RASEF: variants seen among roughly 807,000 people sequenced by gnomAD.
RASEF encodes the protein ras and EF-hand domain-containing protein.
In RASEF, 68 loss-of-function variants were observed where a neutral mutation model predicts 90.1. That is an observed-to-expected ratio of 0.75 (90% CI 0.62 to 0.92). The LOEUF is 0.92. RASEF is among the 40% of genes least tolerant of loss of function. The pLI is 0.00. For synonymous variants in RASEF, 331 were observed against 345.2 expected, an observed-to-expected ratio of 0.96 and a Z score of 0.46; for missense variants, 949 against 937.2, an observed-to-expected ratio of 1.01 and a Z score of -0.16.
At chr9:83,140,880 TG>T in the RASEF span, among the ~76,000 whole-genome samples, 327 of 152,226 alleles carry the variant, frequency 2.1e-3, 4 homozygotes, top group Non-Finnish European at 3.0e-3. Context: ...TAGGGGCTCA[TG>T]GCTGTAGTCC....
Position 83,022,412 on chromosome 9 carries a change from G to A in RASEF, c.593C>T (p.Ala198Val). The A allele has an allele frequency of 1.2e-6, 2 of 1,613,634 alleles. No homozygotes were observed. The highest frequency in any genetic ancestry group is 1.7e-6 in the Non-Finnish European group (2 of 1,179,630). Residue 198 changes from alanine (A) to valine (V), a missense_variant, in exon 3 of 17, where the codon GCA (alanine) becomes GTA (valine). Around this residue, in one of 3 missense-constraint regions of RASEF, gnomAD observed 656 missense variants for 592.2 expected, o/e 1.11. Coordinates refer to ENST00000376447, the MANE Select transcript of RASEF (RefSeq NM_152573.4). Reference protein sequence around the residue: ...AIAVKRAQDKAAMQLSELEEE... With the variant: ...AIAVKRAQDKVAMQLSELEEE... Reference sequence around the variant, plus strand: ...TTCCAACTCACTCAACTGCATAGCTGCCTTGTCCTGGGCTCTGAAATTCAA... The same window carrying A: ...TTCCAACTCACTCAACTGCATAGCTACCTTGTCCTGGGCTCTGAAATTCAA...
chr9:82,985,282 G>A (rs1047273836), intron 16 of RASEF, among the ~76,000 whole-genome samples: 1 of 152,158 alleles, frequency 6.6e-6, no homozygotes, highest in African/African-American at 2.4e-5. Flanking sequence ...CTTCTTACAT[G>A]GTGGCAGCAA....
the RASEF span, among the ~76,000 whole-genome samples, chr9:83,119,412 T>A: frequency 1.3e-5 from 2 of 152,186 alleles, no homozygotes; most frequent in African/African-American, 2.4e-5. Context: ...ATAAGGAAAC[T>A]TTTCACATTG....
At chr9:83,006,857 GC>G (rs1441971948) in intron 7 of RASEF, among the ~76,000 whole-genome samples, 1 of 152,164 alleles carries the variant, frequency 6.6e-6, no homozygotes, top group Admixed American at 6.5e-5. Flanking sequence ...ACTTTGGGAG[GC>G]CGAGGCGGGA....
the RASEF span, among the ~76,000 whole-genome samples, chr9:83,070,747 T>C: frequency 6.6e-6 from 1 of 152,172 alleles, no homozygotes; most frequent in Non-Finnish European, 1.5e-5. Flanking sequence ...TAATATTGAA[T>C]CTGCCCATCA....
chr9:83,135,493 T>C, the RASEF span, among the ~76,000 whole-genome samples: 1 of 152,010 alleles, frequency 6.6e-6, no homozygotes, highest in Non-Finnish European at 1.5e-5. Context: ...TAAAGTATAA[T>C]TTAAAAAATA....
chr9:83,112,641 C>T, the RASEF span, among the ~76,000 whole-genome samples: 1 of 151,374 alleles, frequency 6.6e-6, no homozygotes, highest in Non-Finnish European at 1.5e-5. Context: ...GAGCCAAGAT[C>T]GCACCATTGC....
At chr9:83,196,921 C>T in the RASEF span, among the ~76,000 whole-genome samples, 2 of 152,236 alleles carry the variant, frequency 1.3e-5, no homozygotes, top group Admixed American at 1.3e-4. Context: ...CTTGGAACCA[C>T]AAAATGTCTC....
the RASEF span, among the ~76,000 whole-genome samples, chr9:83,143,438 A>G: frequency 6.6e-6 from 1 of 152,208 alleles, no homozygotes; most frequent in Non-Finnish European, 1.5e-5. Context: ...ACGTCTCAAA[A>G]GAAGACATAA....
the RASEF span, among the ~76,000 whole-genome samples, chr9:83,191,794 A>G: frequency 6.6e-6 from 1 of 152,198 alleles, no homozygotes; most frequent in Non-Finnish European, 1.5e-5. Flanking sequence ...ACTTGAATGA[A>G]AACATTATTT....
At chr9:83,000,389 A>G in intron 11 of RASEF, 44 bp downstream of exon 11, 1 of 1,611,520 alleles carries the variant, frequency 6.2e-7, no homozygotes, top group East Asian at 2.2e-5. Flanking sequence ...CTGCACAGAA[A>G]ATAAGCAGTG....
intron 1 of RASEF, among the ~76,000 whole-genome samples, chr9:83,042,261 T>G (rs552583349): frequency 4.6e-5 from 7 of 152,306 alleles, no homozygotes; most frequent in African/African-American, 1.7e-4. Context: ...TGTCATAAAG[T>G]TATTACAATA....
At chr9:83,211,272 G>GT in the RASEF span, among the ~76,000 whole-genome samples, 735 of 151,328 alleles carry the variant, frequency 4.9e-3, 3 homozygotes, top group Non-Finnish European at 8.3e-3. Context: ...TAGGTTATGG[G>GT]TTTTTTTTTC....
chr9:83,130,126 A>G, the RASEF span, among the ~76,000 whole-genome samples: 257 of 152,328 alleles, frequency 1.7e-3, 4 homozygotes, highest in African/African-American at 5.7e-3. Flanking sequence ...TAGAGCTCAC[A>G]TTCTTGAAGT....
intron 14 of RASEF, 60 bp downstream of exon 14, chr9:82,996,952 T>C (rs868107183): frequency 1.0e-6 from 1 of 969,390 alleles, no homozygotes. Context: ...AGACAGCATT[T>C]TCCAAGATGG....
intron 1 of RASEF, among the ~76,000 whole-genome samples, chr9:83,041,129 G>A (rs1462310718): frequency 6.6e-6 from 1 of 152,206 alleles, no homozygotes; most frequent in Non-Finnish European, 1.5e-5. Flanking sequence ...CCAAAGTGCT[G>A]GGATTACAGG....
At chr9:83,086,059 C>G in the RASEF span, among the ~76,000 whole-genome samples, 1 of 152,164 alleles carries the variant, frequency 6.6e-6, no homozygotes, top group African/African-American at 2.4e-5. Flanking sequence ...TTATTTTTAT[C>G]TTTAAAAAAA....
the RASEF span, among the ~76,000 whole-genome samples, chr9:83,127,100 T>C: frequency 9.2e-5 from 14 of 152,232 alleles, no homozygotes; most frequent in Non-Finnish European, 1.6e-4. Context: ...TAATCTGTGA[T>C]ATAGTAATAT....
chr9:83,197,527 T>TA, the RASEF span, among the ~76,000 whole-genome samples: 30,316 of 151,780 alleles, frequency 0.2, 3,089 homozygotes, highest in Admixed American at 0.25. Flanking sequence ...TGATGATTTT[T>TA]TAAAAAAATT....
Sources: allele counts gnomAD v4.1 joint callset (sites outside exome capture counted in the v4.1 genomes callset), GRCh38; gene constraint gnomAD v4.1.1; regional missense constraint gnomAD v4.1.1; transcripts MANE v1.5; gene names NCBI Gene and HGNC (gene_info 2026-07-23, HGNC 2026-07-21).